The following KITLG variants were observed in gnomAD, a reference collection of about 807,000 sequenced individuals.
The protein encoded by KITLG is KIT ligand, also known as c-Kit ligand.
Under a neutral mutation model 34.1 loss-of-function variants are expected in KITLG, and 13 were observed. The ratio of observed to expected loss-of-function variants is 0.38; its 90% CI spans 0.25 to 0.61. The LOEUF is 0.61. Ranked by LOEUF, KITLG falls within the 20% of genes least tolerant of loss-of-function variation. The pLI, the probability that KITLG is intolerant of heterozygous loss-of-function variation, is 0.60. For synonymous variants in KITLG, 110 were observed against 104.0 expected (o/e 1.06, Z -0.35); for missense variants, 292 against 318.9 (o/e 0.92, Z 0.64).
intron 1 of KITLG, among the ~76,000 whole-genome samples, chr12:88,561,489 T>TGCTA (rs1431662970): frequency 6.6e-6 from 1 of 152,230 alleles, no homozygotes; most frequent in Non-Finnish European, 1.5e-5. Context: ...CTTTAGCTTG[T>TGCTA]GCTAAGCTCT....
At chr12:88,577,880 T>A (rs2120998246) in intron 1 of KITLG, among the ~76,000 whole-genome samples, 2 of 152,350 alleles carry the variant, frequency 1.3e-5, no homozygotes, top group Middle Eastern at 6.8e-3. Context: ...AACCCCATTT[T>A]AAAATATTAC....
rs533542427 is a variant in KITLG, at chr12:88,523,636, C to T, written c.193-4769G>A. Among the ~76,000 whole-genome samples, 18 of 152,140 alleles carry T rather than the reference C, an allele frequency of 1.2e-4. No individual in the cohort carries two copies. The South Asian group carries it at 2.1e-3, about 18-fold the overall frequency. On this transcript the variant is annotated intron_variant, in intron 3 of 9. Transcript: ENST00000644744. The stretch of plus-strand genomic sequence containing the variant: ...TATTTACTGTTCTTTTGGTTTTTTT[C>T]GTTGTGGCTAGAAAGCTGACATTCT...
chr12:88,532,673 C>A (rs1452695216), intron 2 of KITLG, among the ~76,000 whole-genome samples, 170 bp from the exon 3 acceptor site: 1 of 152,048 alleles, frequency 6.6e-6, no homozygotes, highest in African/African-American at 2.4e-5. Context: ...CCTCTGTAAT[C>A]AAAAGGCATC....
intron 3 of KITLG, among the ~76,000 whole-genome samples, chr12:88,525,912 T>C (rs925440369): frequency 3.3e-5 from 5 of 152,164 alleles, no homozygotes; most frequent in African/African-American, 1.2e-4. Context: ...AAGAGAAATC[T>C]TAAACTGACC....
At chr12:88,526,475 T>C (rs767578690) in intron 3 of KITLG, among the ~76,000 whole-genome samples, 14 of 152,200 alleles carry the variant, frequency 9.2e-5, no homozygotes, top group Non-Finnish European at 1.5e-4. Context: ...TCCTCCTTCC[T>C]TTCTTCACTT....
chr12:88,549,079 A>C (rs1209889150), intron 1 of KITLG, among the ~76,000 whole-genome samples: 1 of 152,202 alleles, frequency 6.6e-6, no homozygotes, highest in African/African-American at 2.4e-5. Flanking sequence ...ACAGAGAGAA[A>C]AGCTGGTGCC....
chr12:88,504,004 A>G (rs545643691), intron 9 of KITLG, among the ~76,000 whole-genome samples: 11 of 152,274 alleles, frequency 7.2e-5, no homozygotes, highest in Middle Eastern at 3.4e-3. Context: ...TTGATTCCAT[A>G]TATTTTTATT....
chr12:88,528,446 A>C (rs539967364), intron 3 of KITLG, among the ~76,000 whole-genome samples: 1 of 152,358 alleles, frequency 6.6e-6, no homozygotes, highest in Admixed American at 6.5e-5. Context: ...TATCAAAATG[A>C]AAATTCCAAT....
At chr12:88,524,423 A>C (rs1309228659) in intron 3 of KITLG, among the ~76,000 whole-genome samples, 1 of 152,216 alleles carries the variant, frequency 6.6e-6, no homozygotes, top group Non-Finnish European at 1.5e-5. Context: ...TAGTGTATGA[A>C]CTGTAATATG....
At chr12:88,548,403 A>C (rs904832070) in intron 1 of KITLG, among the ~76,000 whole-genome samples, 1 of 152,006 alleles carries the variant, frequency 6.6e-6, no homozygotes, top group East Asian at 1.9e-4. Context: ...GCAGTGAGCC[A>C]AGATTGCGCC....
Position 88,580,257 on chromosome 12 carries a change from T to C in KITLG, c.15+7A>G. ...AGCCTGGGAGCTCCCGGGCGCGCCC[T>C]ACTCACTTGTGTCTTCTTCATAAGG... On this transcript the variant is annotated splice_region_variant and intron_variant, in intron 1 of 9. Coordinates refer to ENST00000644744, the MANE Select transcript of KITLG (RefSeq NM_000899.5). The C allele has an allele frequency of 6.2e-7, 1 of 1,608,976 alleles. No individual in the cohort carries two copies. The highest frequency in any genetic ancestry group is 8.5e-7 in the Non-Finnish European group (1 of 1,177,770).
chr12:88,532,321 T>C (rs1870126724), intron 3 of KITLG, 120 bp downstream of exon 3: 1 of 788,038 alleles, frequency 1.3e-6, no homozygotes, highest in Non-Finnish European at 2.1e-6. Context: ...CAAAGATAAA[T>C]TCTTCAAATC....
intron 6 of KITLG, among the ~76,000 whole-genome samples, chr12:88,510,868 C>A (rs1592840012): frequency 6.6e-6 from 1 of 152,266 alleles, no homozygotes; most frequent in East Asian, 1.9e-4. Context: ...GTCTTACCCC[C>A]TTTGTGCTAC....
intron 2 of KITLG, among the ~76,000 whole-genome samples, chr12:88,545,381 A>G (rs1870684173): frequency 6.6e-6 from 1 of 152,218 alleles, no homozygotes; most frequent in African/African-American, 2.4e-5. Flanking sequence ...GTAGGAAGAC[A>G]TGTGAAGGGG....
chr12:88,578,236 G>A (rs1871895228), intron 1 of KITLG, among the ~76,000 whole-genome samples: 2 of 151,880 alleles, frequency 1.3e-5, no homozygotes, highest in South Asian at 4.2e-4. Context: ...TTCAGTGACT[G>A]TGGAATCGCT....
At chr12:88,568,163 CAG>C (rs1871508298) in intron 1 of KITLG, among the ~76,000 whole-genome samples, 1 of 152,116 alleles carries the variant, frequency 6.6e-6, no homozygotes, top group African/African-American at 2.4e-5. Flanking sequence ...CTTACAGACA[CAG>C]AGCAGACAGT....
chr12:88,527,343 G>T (rs772098543), intron 3 of KITLG, among the ~76,000 whole-genome samples: 17 of 152,100 alleles, frequency 1.1e-4, no homozygotes, highest in Non-Finnish European at 2.4e-4. Context: ...AAATCCTCAG[G>T]TATCAAAGAA....
chr12:88,568,495 T>G (rs1048945510), intron 1 of KITLG, among the ~76,000 whole-genome samples: 7 of 152,016 alleles, frequency 4.6e-5, no homozygotes, highest in Admixed American at 2.0e-4. Flanking sequence ...CTTCCAACTA[T>G]GTACTATTAC....
chr12:88,508,556 C>CAT (rs1555253769), intron 6 of KITLG, among the ~76,000 whole-genome samples: 2 of 147,604 alleles, frequency 1.4e-5, no homozygotes, highest in Non-Finnish European at 3.0e-5. Context: ...TGTGTGCTCA[C>CAT]GTGTGTGTGT....
Sources: gnomAD v4.1 joint callset for allele counts (sites outside exome capture counted in the v4.1 genomes callset) on GRCh38, gnomAD v4.1.1 for gene constraint, MANE v1.5 for transcripts, NCBI Gene and HGNC (gene_info 2026-07-23, HGNC 2026-07-21) for gene names.